The following PKNOX2 variants were observed in gnomAD, a reference collection of about 807,000 sequenced individuals.
PKNOX2 encodes the protein homeobox protein PKNOX2.
A neutral mutation model predicts 53.1 loss-of-function variants in PKNOX2; 14 were observed. The observed-to-expected ratio is 0.26, with a 90% CI of 0.17 to 0.41. The LOEUF (loss-of-function observed/expected upper bound fraction) is 0.41. PKNOX2 is among the 10% of genes least tolerant of loss of function. The pLI is 1.00. For missense variants in PKNOX2, 496 were observed against 602.8 expected, an observed-to-expected ratio of 0.82 and a Z score of 1.85; for synonymous variants, 257 against 242.8, an observed-to-expected ratio of 1.06 and a Z score of -0.54.
intron 2 of PKNOX2, among the ~76,000 whole-genome samples, chr11:125,247,642 T>G (rs1360822337): frequency 6.6e-6 from 1 of 152,150 alleles, no homozygotes; most frequent in Non-Finnish European, 1.5e-5. Flanking sequence ...CTGGCATGCT[T>G]GAAGAGAGGT....
rs117236889 is a variant in PKNOX2 at position 125,203,390 on chromosome 11, G to A, written c.-200-31655G>A. 2.6e-4 allele frequency among the ~76,000 whole-genome samples: 40 copies of A among 152,338 alleles called. No homozygotes were observed. In the East Asian group the frequency reaches 6.4e-3, roughly 24 times the overall value. On this transcript the variant is annotated intron_variant, in intron 1 of 12. Coordinates refer to ENST00000298282, the MANE Select transcript of PKNOX2 (RefSeq NM_001382323.2). ...CCAAGTATGGGGATTATAGGCATGA[G>A]CCACCATGCCTGACTTTGAATATTT... is the stretch of plus-strand genomic sequence containing the variant.
At chr11:125,190,811 C>A (rs1201056237) in intron 1 of PKNOX2, among the ~76,000 whole-genome samples, 1 of 152,228 alleles carries the variant, frequency 6.6e-6, no homozygotes, top group East Asian at 1.9e-4. Flanking sequence ...CAGCCCACCC[C>A]TCAGCACTCT....
chr11:125,242,531 C>G (rs2135609282), intron 2 of PKNOX2, among the ~76,000 whole-genome samples: 1 of 152,252 alleles, frequency 6.6e-6, no homozygotes, highest in East Asian at 1.9e-4. Flanking sequence ...AGGGTGGCCT[C>G]TGGTTACTGG....
chr11:125,297,356 A>G (rs1947724939), intron 2 of PKNOX2, among the ~76,000 whole-genome samples: 1 of 152,210 alleles, frequency 6.6e-6, no homozygotes, highest in Admixed American at 6.5e-5. Flanking sequence ...CCTTCTGCTA[A>G]TTTCTGGGGA....
chr11:125,273,708 G>C (rs1319242926), intron 2 of PKNOX2, among the ~76,000 whole-genome samples: 2 of 152,200 alleles, frequency 1.3e-5, no homozygotes, highest in East Asian at 3.9e-4. Flanking sequence ...CCATGTTTGT[G>C]AGTACAGTTT....
At chr11:125,220,369 T>A (rs560377959) in intron 1 of PKNOX2, among the ~76,000 whole-genome samples, 1 of 152,202 alleles carries the variant, frequency 6.6e-6, no homozygotes, top group South Asian at 2.1e-4. Context: ...CGAGAGCGGC[T>A]GATTTCCAAC....
At chr11:125,276,945 G>C (rs963663418) in intron 2 of PKNOX2, among the ~76,000 whole-genome samples, 1 of 152,208 alleles carries the variant, frequency 6.6e-6, no homozygotes, top group Non-Finnish European at 1.5e-5. Flanking sequence ...AAGAAGCCCA[G>C]GTGGTCAGCA....
chr11:125,332,006 G>A (rs1009293264), intron 3 of PKNOX2, 81 bp downstream of exon 3: 12 of 152,186 alleles, frequency 7.9e-5, no homozygotes, highest in African/African-American at 1.9e-4. Context: ...CCTCTAGAAC[G>A]AGCTCAGAAC....
At chr11:125,219,855 G>C (rs1940942928) in intron 1 of PKNOX2, among the ~76,000 whole-genome samples, 1 of 152,230 alleles carries the variant, frequency 6.6e-6, no homozygotes, top group African/African-American at 2.4e-5. Flanking sequence ...TCATCAAAAT[G>C]ATAAATCATA....
At chr11:125,266,199 C>T (rs543480172) in intron 2 of PKNOX2, among the ~76,000 whole-genome samples, 8 of 152,272 alleles carry the variant, frequency 5.3e-5, no homozygotes, top group Non-Finnish European at 1.2e-4. Context: ...AGGAATTCAC[C>T]ACCTCCTCCC....
At chr11:125,419,875 G>GA (rs1956079642) in intron 10 of PKNOX2, among the ~76,000 whole-genome samples, 2 of 97,194 alleles carry the variant, frequency 2.1e-5, no homozygotes, top group Non-Finnish European at 4.3e-5. Flanking sequence ...TTTAAAAAAA[G>GA]AAAAAATTAA....
intron 6 of PKNOX2, among the ~76,000 whole-genome samples, chr11:125,388,668 C>G (rs1470800412): frequency 6.6e-6 from 1 of 152,072 alleles, no homozygotes; most frequent in African/African-American, 2.4e-5. Flanking sequence ...CCCAACAAGC[C>G]CCGCATTTGA....
chr11:125,236,436 C>T lies in PKNOX2; in HGVS notation c.-130+1321C>T, dbSNP rs117779181. 3.1e-3 allele frequency among the ~76,000 whole-genome samples: 474 copies of T among 152,084 alleles called. 1 individual carries two copies. Among genetic ancestry groups the T allele is most frequent in the African/African-American group, 5.4e-3 (225 of 41,404 alleles). On this transcript the variant is annotated intron_variant, in intron 2 of 12. Coordinates refer to ENST00000298282, the MANE Select transcript of PKNOX2 (RefSeq NM_001382323.2). ...AGAAGATAATGACCTTTGTGAGAAT[C>T]GATGTCTCCTCCTCGCATCGGAGGT...
At chr11:125,353,367 G>A (rs537494573) in intron 4 of PKNOX2, among the ~76,000 whole-genome samples, 4 of 152,296 alleles carry the variant, frequency 2.6e-5, no homozygotes, top group African/African-American at 9.6e-5. Context: ...TTTTGGTTTG[G>A]CGGGGATTAG....
chr11:125,400,609 G>A (rs968904823), intron 7 of PKNOX2, among the ~76,000 whole-genome samples: 5 of 152,002 alleles, frequency 3.3e-5, no homozygotes, highest in Admixed American at 1.3e-4. Flanking sequence ...GTCTGTTCGG[G>A]TGACACCTCC....
At chr11:125,213,029 G>T (rs1315777814) in intron 1 of PKNOX2, among the ~76,000 whole-genome samples, 2 of 152,024 alleles carry the variant, frequency 1.3e-5, no homozygotes, top group African/African-American at 4.8e-5. Context: ...TGAACTCCTA[G>T]CCTCACCACT....
rs191236346 is a variant in PKNOX2, at chr11:125,325,241, G to A, written c.-129-6578G>A. ...CTGCTTCTGGCATTCCTGCTTATCC[G>A]TTCTTTCCCTCATTTAATAGATGCA... On this transcript the variant is annotated intron_variant, in intron 2 of 12. Coordinates refer to ENST00000298282, the MANE Select transcript of PKNOX2 (RefSeq NM_001382323.2). Among the ~76,000 whole-genome samples, 27 of 152,238 alleles carry A rather than the reference G, an allele frequency of 1.8e-4. 1 individual carries two copies. The highest frequency in any genetic ancestry group is 4.8e-4 in the African/African-American group (20 of 41,522).
chr11:125,253,342 C>T (rs1003879655), intron 2 of PKNOX2, among the ~76,000 whole-genome samples: 1 of 152,126 alleles, frequency 6.6e-6, no homozygotes, highest in African/African-American at 2.4e-5. Flanking sequence ...AGTACGCAGG[C>T]TACTGGGCCT....
chr11:125,375,977 C>T (rs185582771), intron 5 of PKNOX2, among the ~76,000 whole-genome samples: 5 of 152,324 alleles, frequency 3.3e-5, no homozygotes, highest in East Asian at 3.9e-4. Context: ...AGGGGCTGGA[C>T]GCGACATCCC....
Sources: gnomAD v4.1 joint callset for allele counts (sites outside exome capture counted in the v4.1 genomes callset) on GRCh38, gnomAD v4.1.1 for gene constraint, MANE v1.5 for transcripts, NCBI Gene and HGNC (gene_info 2026-07-23, HGNC 2026-07-21) for gene names.